Variants in TEX9 observed in about 807,000 individuals in gnomAD.
TEX9 encodes the protein testis expressed 9, also known as testis-expressed protein 9.
TEX9 carries 74 observed loss-of-function variants against 59.6 expected under a neutral mutation model. The ratio of observed to expected loss-of-function variants is 1.24; its 90% confidence interval spans 1.03 to 1.51. The LOEUF (loss-of-function observed/expected upper bound fraction) is 1.51, where lower values mean the gene tolerates loss of function less well. TEX9 is among the 40% of genes most tolerant of loss of function. The pLI is 0.00. For missense variants in TEX9, 522 were observed against 447.8 expected (o/e 1.17, Z -1.49); for synonymous variants, 186 against 152.2 (o/e 1.22, Z -1.64).
the TEX9 span, chr15:56,456,417 C>T: frequency 1.1e-5 from 17 of 1,609,390 alleles, no homozygotes; most frequent in Non-Finnish European, 1.4e-5. Context: ...CTTGTTGCCT[C>T]ATCTTTTCGT....
At chr15:56,380,640 G>A (rs1251693887) in intron 3 of TEX9, among the ~76,000 whole-genome samples, 2 of 151,998 alleles carry the variant, frequency 1.3e-5, no homozygotes, top group Non-Finnish European at 2.9e-5. Context: ...TTTCTGGGAA[G>A]GTCTGTTATT....
the TEX9 span, among the ~76,000 whole-genome samples, chr15:56,451,861 A>G: frequency 1.2e-4 from 18 of 152,312 alleles, no homozygotes; most frequent in African/African-American, 3.8e-4. Flanking sequence ...ATACCTAAGC[A>G]TATAAAGATT....
chr15:56,365,382 A>ACCCGGGCGGG, upstream of TEX9: 1 of 1,564,354 alleles, frequency 6.4e-7, no homozygotes, highest in Non-Finnish European at 8.7e-7. Context: ...GGCGGGAGGC[A>ACCCGGGCGGG]ACCGGGATGT....
rs568012790 is a variant in TEX9 at position 56,330,345 on chromosome 15, A to G, written c.-106-43096A>G. ...AAGAAGAAATCATCTGAAGGTATAAAACTCACTGGTAAGAGTAAGTACACA... is the reference window on the plus strand; with the variant it reads ...AAGAAGAAATCATCTGAAGGTATAAGACTCACTGGTAAGAGTAAGTACACA... On this transcript the variant is annotated intron_variant, in intron 1 of 5. Transcript: ENST00000560827. Among the ~76,000 whole-genome samples the G allele has an allele frequency of 2.6e-5, 4 of 152,292 alleles. No individual in the cohort carries two copies. The East Asian group carries it at 7.7e-4, about 29-fold the overall frequency.
intron 1 of TEX9, among the ~76,000 whole-genome samples, chr15:56,252,046 G>C (rs916541223): frequency 6.6e-6 from 1 of 152,070 alleles, no homozygotes; most frequent in Non-Finnish European, 1.5e-5. Context: ...TGGTGTGAAG[G>C]GCTCACTCTT....
At chr15:56,428,387 G>C (rs749452417) in exon 12 of TEX9, 1 of 1,611,734 alleles carries the variant, frequency 6.2e-7, no homozygotes. Flanking sequence ...AAGCTGCCAA[G>C]ATGCTATCTT....
At chr15:56,460,009 A>AAAAAATATATATATATATATAT in the TEX9 span, among the ~76,000 whole-genome samples, 3 of 26,388 alleles carry the variant, frequency 1.1e-4, 1 homozygote, top group South Asian at 1.5e-3. Flanking sequence ...AAAAAAAAAA[A>AAAAAATATATATATATATATAT]ATACATATAT....
intron 1 of TEX9, among the ~76,000 whole-genome samples, chr15:56,259,789 T>G (rs2044222711): frequency 6.6e-6 from 1 of 152,076 alleles, no homozygotes; most frequent in Non-Finnish European, 1.5e-5. Context: ...GGATCTTGAC[T>G]GGGATTGCAT....
intron 9 of TEX9, among the ~76,000 whole-genome samples, chr15:56,398,755 T>C (rs1458487087): frequency 6.6e-6 from 1 of 152,188 alleles, no homozygotes; most frequent in Non-Finnish European, 1.5e-5. Flanking sequence ...TACTTTTCCC[T>C]TTGTAGGGGG....
chr15:56,281,048 T>C (rs2044805316), intron 1 of TEX9, among the ~76,000 whole-genome samples: 1 of 152,212 alleles, frequency 6.6e-6, no homozygotes, highest in South Asian at 2.1e-4. Context: ...AGGCATTGTC[T>C]GTGATAGAAA....
chr15:56,265,461 C>T (rs2044358850), intron 1 of TEX9, among the ~76,000 whole-genome samples: 1 of 152,086 alleles, frequency 6.6e-6, no homozygotes, highest in Non-Finnish European at 1.5e-5. Context: ...GTATAAGCTA[C>T]CATGCCTTTC....
At chr15:56,271,157 A>T (rs1356046167) in intron 1 of TEX9, among the ~76,000 whole-genome samples, 3 of 151,932 alleles carry the variant, frequency 2.0e-5, no homozygotes, top group Non-Finnish European at 4.4e-5. Context: ...TGGTCTCTGT[A>T]TTTCCTGAAT....
intron 1 of TEX9, among the ~76,000 whole-genome samples, chr15:56,326,364 CAA>C (rs1161266508): frequency 6.6e-6 from 1 of 152,030 alleles, no homozygotes; most frequent in East Asian, 1.9e-4. Context: ...AACTTGTAGA[CAA>C]ATATATTTAC....
At chr15:56,454,679 T>C in the TEX9 span, among the ~76,000 whole-genome samples, 7 of 152,270 alleles carry the variant, frequency 4.6e-5, no homozygotes, top group African/African-American at 1.4e-4. Flanking sequence ...CAGGCCAGCA[T>C]CTCCTCACAT....
chr15:56,271,736 T>G lies in TEX9; in HGVS notation c.-107+27458T>G, dbSNP rs1052165263. Among the ~76,000 whole-genome samples, 7 of 152,232 alleles carry G rather than the reference T, an allele frequency of 4.6e-5. No homozygotes were observed. The East Asian group carries it at 5.8e-4, about 13-fold the overall frequency. ...ACCCTTTTATTTTGAACTATTTTTG[T>G]TTTATCATTTAAAGTAAGTTTCTTG... On this transcript the variant is annotated intron_variant, in intron 1 of 5. Transcript: ENST00000560827.
chr15:56,355,176 T>A (rs761952720), intron 1 of TEX9, among the ~76,000 whole-genome samples: 36 of 152,162 alleles, frequency 2.4e-4, no homozygotes, highest in Non-Finnish European at 4.6e-4. Flanking sequence ...TTTTACCTTT[T>A]CCATAACTTA....
chr15:56,297,030 A>G (rs2045233927), intron 1 of TEX9, among the ~76,000 whole-genome samples: 1 of 152,112 alleles, frequency 6.6e-6, no homozygotes, highest in African/African-American at 2.4e-5. Flanking sequence ...TAAAACAGCA[A>G]CAACAACAAC....
At chr15:56,414,377 G>A (rs1444542256) in intron 10 of TEX9, among the ~76,000 whole-genome samples, 16 of 151,424 alleles carry the variant, frequency 1.1e-4, no homozygotes, top group Admixed American at 9.9e-4. Flanking sequence ...TATCTCTTCT[G>A]CTCCTCTCCC....
intron 1 of TEX9, among the ~76,000 whole-genome samples, chr15:56,303,215 G>A (rs946462798): frequency 1.3e-5 from 2 of 152,050 alleles, no homozygotes; most frequent in Admixed American, 1.3e-4. Flanking sequence ...TAAACCTAAT[G>A]GATGTTTATA....
Sources: allele counts gnomAD v4.1 joint callset (sites outside exome capture counted in the v4.1 genomes callset), GRCh38; gene constraint gnomAD v4.1.1; transcripts MANE v1.5; gene names NCBI Gene and HGNC (gene_info 2026-07-23, HGNC 2026-07-21).